The following DOCK1 variants were observed in gnomAD, a reference collection of about 807,000 sequenced individuals.
The protein encoded by DOCK1 is dedicator of cytokinesis 1, also known as dedicator of cytokinesis protein 1.
Under a neutral mutation model 262.7 loss-of-function variants are expected in DOCK1, and 138 were observed. That is an observed-to-expected ratio of 0.53 (90% confidence interval 0.46 to 0.61). The LOEUF is 0.61. Among genes scored for constraint, DOCK1 ranks in the 20% least tolerant of loss-of-function variants. The pLI is 0.00. For synonymous variants in DOCK1, 866 were observed against 867.4 expected (o/e 1.00, Z 0.03); for missense variants, 1,908 against 2,370.7 (o/e 0.80, Z 4.05).
chr10:127,197,364 A>G (rs2057246924), intron 27 of DOCK1, among the ~76,000 whole-genome samples: 1 of 152,134 alleles, frequency 6.6e-6, no homozygotes, highest in Non-Finnish European at 1.5e-5. Context: ...ACACGGAGCT[A>G]TCCCCGCCCT....
At chr10:127,008,233 G>A (rs1031241975) in intron 10 of DOCK1, among the ~76,000 whole-genome samples, 1 of 152,018 alleles carries the variant, frequency 6.6e-6, no homozygotes, top group Non-Finnish European at 1.5e-5. Flanking sequence ...GAGTAGCTGG[G>A]ACTACAGGTG....
chr10:127,394,301 C>T (rs879815966), intron 38 of DOCK1, among the ~76,000 whole-genome samples: 1 of 150,052 alleles, frequency 6.7e-6, no homozygotes, highest in African/African-American at 2.5e-5. Context: ...TTGTATTTTC[C>T]CTTAAAATAA....
intron 1 of DOCK1, among the ~76,000 whole-genome samples, chr10:126,965,057 C>T (rs1161591476): frequency 2.0e-5 from 3 of 152,206 alleles, no homozygotes; most frequent in African/African-American, 2.4e-5. Flanking sequence ...ATTTACCTCC[C>T]TCAAGGAGTT....
At position 127,257,576 on chromosome 10, in the gene DOCK1, G is replaced by C. The variant is rs1026231627; in HGVS notation, c.3044+147G>C. 3.6e-5 allele frequency: 22 copies of C among 611,906 alleles called. No individual in the cohort carries two copies. In the Admixed American group the frequency reaches 5.8e-4, roughly 16 times the overall value. The allele number at this position is 611,906 out of a possible 1,614,324, so 37.9% of individuals were successfully genotyped here. A position where few individuals can be genotyped will look rare whatever the true frequency, so the allele number is the denominator to read the frequency against. On this transcript the variant is annotated intron_variant, in intron 29 of 51. Transcript: ENST00000623213. Reference sequence around the variant, plus strand: ...AATTCTGTGCTGCAGACAGTTCTAGGGAGACAGGGACTCTGAGTTTGTGGT... The same window carrying C: ...AATTCTGTGCTGCAGACAGTTCTAGCGAGACAGGGACTCTGAGTTTGTGGT...
intron 44 of DOCK1, among the ~76,000 whole-genome samples, chr10:127,416,117 A>C (rs2068136362): frequency 1.3e-5 from 2 of 152,214 alleles, no homozygotes; most frequent in Admixed American, 1.3e-4. Flanking sequence ...AGCTATGGGC[A>C]GCTATGGGCC....
rs779206732 is a variant in DOCK1 at position 127,404,354 on chromosome 10, C to T, written c.4047C>T (p.Ile1349=). 6 of 1,613,808 alleles carry T rather than the reference C, an allele frequency of 3.7e-6. No homozygotes were observed. Among genetic ancestry groups the T allele is most frequent in the Non-Finnish European group, 4.2e-6 (5 of 1,179,822 alleles). Residue 1349 remains isoleucine (I), a synonymous_variant, in exon 40 of 52, where the codon ATC becomes ATT. Transcript: ENST00000623213. The part of the protein sequence containing the change: ...LKKQAQFYEN[I]VKVIRPKPDY... ...AACAGGCTCAGTTTTATGAAAACATCGTCAAAGTGATCAGGCCCAAGCCTG... is the reference window on the plus strand; with the variant it reads ...AACAGGCTCAGTTTTATGAAAACATTGTCAAAGTGATCAGGCCCAAGCCTG...
At chr10:126,962,163 CTT>C (rs1297437880) in intron 1 of DOCK1, among the ~76,000 whole-genome samples, 15 of 140,728 alleles carry the variant, frequency 1.1e-4, no homozygotes, top group African/African-American at 3.7e-4. Flanking sequence ...ATGCCCGACT[CTT>C]TTTTTTTTTT....
chr10:127,418,459 G>C lies in DOCK1; in HGVS notation c.4610G>C (p.Ser1537Thr). The C allele has an allele frequency of 6.2e-7, 1 of 1,614,092 alleles. No individual in the cohort carries two copies. ...SMVQQHLDDPSLPINPLSMLL... is the reference protein window; with the variant it reads ...SMVQQHLDDPTLPINPLSMLL... ...GTGCAGCAGCACCTGGATGACCCCA[G>C]CCTGCCCATCAACCCGCTCTCCATG... The change falls in exon 45 of 52, where the codon AGC (serine) becomes ACC (threonine). Residue 1537 changes from serine to threonine, a missense_variant. Ser to Thr is a moderately conservative substitution (Grantham distance 58, BLOSUM62 1). Coordinates refer to ENST00000623213, the MANE Select transcript of DOCK1 (RefSeq NM_001290223.2).
In DOCK1 at chr10:127,000,586, C is replaced by G. The variant is rs945104240; in HGVS notation, c.985+279C>G. ...AGTGATCCTGACCCATATTCTCAGT[C>G]TGTAGGGAAGCCAGTCAGTGGAGGT... is the stretch of plus-strand genomic sequence containing the variant. On this transcript the variant is annotated intron_variant, in intron 10 of 51. Transcript: ENST00000623213. 1.3e-4 allele frequency: 47 copies of G among 355,862 alleles called. No homozygotes were observed. In the East Asian group the frequency reaches 1.9e-3, roughly 15 times the overall value. 22.0% of individuals were successfully genotyped at this position (355,862 alleles called of 1,614,324 possible). A position where few individuals can be genotyped will look rare whatever the true frequency, so the allele number is the denominator to read the frequency against.
chr10:127,084,190 T>C (rs2136038287), intron 23 of DOCK1, among the ~76,000 whole-genome samples: 1 of 152,346 alleles, frequency 6.6e-6, no homozygotes, highest in South Asian at 2.1e-4. Flanking sequence ...GATTGTTTCA[T>C]ATTGCAATTA....
chr10:127,004,769 GCCA>G (rs1217638573), intron 10 of DOCK1, among the ~76,000 whole-genome samples: 230 of 14,302 alleles, frequency 0.016, 23 homozygotes, highest in Non-Finnish European at 0.028. Context: ...CCCCTGCCCC[GCCA>G]CCCCCCCGCC....
Position 127,176,437 on chromosome 10 carries a change from C to A in DOCK1, c.2847+48673C>A. ...AACAGCAACAGAGGTGTCAGTGGGA[C>A]AGAAATACACACTCAAGCACCGGCC... On this transcript the variant is annotated intron_variant, in intron 27 of 51. Transcript: ENST00000623213. This position sits in a 1 kb window ranked among gnomAD's most constrained non-coding sequence, Gnocchi z 4.4. 1 of 1,519,210 alleles carries A rather than the reference C, an allele frequency of 6.6e-7. No individual in the cohort carries two copies. Among genetic ancestry groups the A allele is most frequent in the Non-Finnish European group, 8.9e-7 (1 of 1,124,434 alleles). 94.1% of individuals were successfully genotyped at this position (1,519,210 alleles called of 1,614,324 possible). A position where few individuals can be genotyped will look rare whatever the true frequency, so the allele number is the denominator to read the frequency against.
rs549475162 is a variant in DOCK1 at position 126,985,963 on chromosome 10, G to C, written c.228-1558G>C. ...GGGTTCAAGTGATTCTCCTGCTTCA[G>C]CCTCCTGAGTAGCTGGGATTACAGG... On this transcript the variant is annotated intron_variant, in intron 4 of 51. Transcript: ENST00000623213. Among the ~76,000 whole-genome samples the C allele has an allele frequency of 9.9e-5, 15 of 152,216 alleles. No individual in the cohort carries two copies. The East Asian group carries it at 2.9e-3, about 29-fold the overall frequency.
At chr10:127,154,044 T>C in intron 27 of DOCK1, 1 of 704,972 alleles carries the variant, frequency 1.4e-6, no homozygotes, top group Non-Finnish European at 2.5e-6. Context: ...TGGAAATTGA[T>C]TAATGCATGC....
intron 29 of DOCK1, among the ~76,000 whole-genome samples, chr10:127,261,161 CTG>C (rs1218742210): frequency 2.8e-4 from 31 of 110,120 alleles, no homozygotes; most frequent in African/African-American, 1.0e-3. Context: ...CCGTGCTCAT[CTG>C]TGTGTGTCCC....
intron 23 of DOCK1, among the ~76,000 whole-genome samples, chr10:127,096,990 A>T (rs1026641094): frequency 2.0e-5 from 3 of 152,114 alleles, no homozygotes; most frequent in Non-Finnish European, 4.4e-5. Flanking sequence ...CTGTAATTCT[A>T]GCTACTCAGG....
chr10:127,408,533 G>A (rs199917404), intron 40 of DOCK1, among the ~76,000 whole-genome samples: 27 of 152,320 alleles, frequency 1.8e-4, no homozygotes, highest in Middle Eastern at 6.8e-3. Flanking sequence ...AGCGCCCGGC[G>A]GCCGTGTGCA....
intron 27 of DOCK1, among the ~76,000 whole-genome samples, chr10:127,206,495 A>G (rs1302930355): frequency 6.6e-6 from 1 of 152,076 alleles, no homozygotes; most frequent in African/African-American, 2.4e-5. Flanking sequence ...TTTACTTAAT[A>G]CGCTATCAAT....
intron 1 of DOCK1, among the ~76,000 whole-genome samples, chr10:126,959,037 C>T (rs1048756441): frequency 3.2e-4 from 48 of 152,272 alleles, no homozygotes; most frequent in Admixed American, 1.5e-3. Flanking sequence ...CATTCCAAAG[C>T]AGGGGCTTCC....
Sources: allele counts gnomAD v4.1 joint callset (sites outside exome capture counted in the v4.1 genomes callset), GRCh38; gene constraint gnomAD v4.1.1; non-coding constraint Gnocchi (gnomAD v3.1); transcripts MANE v1.5; gene names NCBI Gene and HGNC (gene_info 2026-07-23, HGNC 2026-07-21).